The following CSMD1 variants were observed in gnomAD, a reference collection of about 807,000 sequenced individuals.
CSMD1 encodes CUB and Sushi multiple domains 1, also known as CUB and sushi domain-containing protein 1.
CSMD1 carries 213 observed loss-of-function variants against 417.5 expected under a neutral mutation model. The observed-to-expected ratio is 0.51, with a 90% CI of 0.46 to 0.57. The LOEUF is 0.57. Among genes scored for constraint, CSMD1 ranks in the 20% least tolerant of loss-of-function variants. The pLI, the probability that CSMD1 is intolerant of heterozygous loss-of-function variation, is 0.00. For synonymous variants in CSMD1, 2,862 were observed against 1,736.8 expected (o/e 1.65, Z -16.11); for missense variants, 6,923 against 4,529.7 (o/e 1.53, Z -15.17).
chr8:4,084,750 C>G (rs934976982), intron 3 of CSMD1, among the ~76,000 whole-genome samples: 1 of 151,732 alleles, frequency 6.6e-6, no homozygotes, highest in African/African-American at 2.4e-5. Context: ...CCCCCACCCC[C>G]CTACCCAAAG....
intron 10 of CSMD1, among the ~76,000 whole-genome samples, chr8:3,546,430 G>C (rs761005977): frequency 3.2e-4 from 48 of 152,060 alleles, no homozygotes; most frequent in Non-Finnish European, 6.6e-4. Flanking sequence ...CAGCTACTTG[G>C]GAGGCTGAGG....
At chr8:4,733,307 T>C (rs927228204) in intron 1 of CSMD1, among the ~76,000 whole-genome samples, 7 of 152,120 alleles carry the variant, frequency 4.6e-5, no homozygotes, top group African/African-American at 1.7e-4. Context: ...AATGTTGCCC[T>C]CAAAGCAAGC....
At chr8:4,393,536 T>A (rs936200529) in intron 3 of CSMD1, among the ~76,000 whole-genome samples, 2 of 152,190 alleles carry the variant, frequency 1.3e-5, no homozygotes, top group Non-Finnish European at 2.9e-5. Flanking sequence ...CAGTTTCACT[T>A]GGCAACAGCT....
intron 5 of CSMD1, among the ~76,000 whole-genome samples, chr8:3,848,385 C>T (rs140531859): frequency 6.6e-6 from 1 of 152,168 alleles, no homozygotes; most frequent in African/African-American, 2.4e-5. Flanking sequence ...TTTTTCTCAG[C>T]CTTCTCTAGG....
intron 3 of CSMD1, among the ~76,000 whole-genome samples, chr8:4,196,055 C>CA (rs1390969988): frequency 1.6e-4 from 24 of 151,846 alleles, no homozygotes; most frequent in African/African-American, 5.3e-4. Flanking sequence ...ACTGAAAATA[C>CA]AAAAAATTAG....
intron 1 of CSMD1, among the ~76,000 whole-genome samples, chr8:4,988,813 G>T (rs1052983018): frequency 6.6e-6 from 1 of 152,194 alleles, no homozygotes; most frequent in Non-Finnish European, 1.5e-5. Context: ...ATCCAAAGAG[G>T]TTGATCTGCT....
rs1349867411 is a variant in CSMD1 at position 3,930,961 on chromosome 8, A to T, written c.818+66942T>A. On this transcript the variant is annotated intron_variant, in intron 5 of 69. Transcript: ENST00000635120. The stretch of plus-strand genomic sequence containing the variant: ...GATTCTTAAAAACCTAAAATACATC[A>T]GCAAAAACGCCCTGTGGAATATCAT... Among the ~76,000 whole-genome samples the T allele has an allele frequency of 1.3e-5, 2 of 150,696 alleles. 1 individual carries two copies. Among genetic ancestry groups the T allele is most frequent in the African/African-American group, 4.9e-5 (2 of 40,870 alleles).
chr8:4,269,700 A>G lies in CSMD1; in HGVS notation c.415+150253T>C, dbSNP rs1049767943. On this transcript the variant is annotated intron_variant, in intron 3 of 69. Transcript: ENST00000635120. ...TTTTTTGTTTCTTTGCAGTTTATCA[A>G]TTAACCAGCATCTGTTGAATTCTTA... 2.6e-5 allele frequency among the ~76,000 whole-genome samples: 4 copies of G among 152,324 alleles called. No individual in the cohort carries two copies. In the South Asian group the frequency reaches 6.2e-4, roughly 24 times the overall value.
rs143800280 is a variant in CSMD1, at chr8:4,147,411, G to C, written c.416-115312C>G. ...CACTGCCTTCCCCACATGCTGCCCT[G>C]TCTAGAATGGCTTTTCCACCTACCT... is the stretch of plus-strand genomic sequence containing the variant. On this transcript the variant is annotated intron_variant, in intron 3 of 69. Transcript: ENST00000635120. Among the ~76,000 whole-genome samples, 16 of 152,110 alleles carry C rather than the reference G, an allele frequency of 1.1e-4. No homozygotes were observed. The East Asian group carries it at 2.7e-3, about 26-fold the overall frequency.
intron 1 of CSMD1, among the ~76,000 whole-genome samples, chr8:4,648,912 A>C (rs543411662): frequency 6.6e-6 from 1 of 152,286 alleles, no homozygotes; most frequent in South Asian, 2.1e-4. Context: ...CATATACGTA[A>C]ATCAATTTCA....
At chr8:3,902,297 T>C (rs1379452045) in intron 5 of CSMD1, among the ~76,000 whole-genome samples, 2 of 152,170 alleles carry the variant, frequency 1.3e-5, no homozygotes, top group African/African-American at 4.8e-5. Context: ...TACTGTCAAA[T>C]CCTGTTACTC....
At chr8:4,678,312 G>A (rs1027013465) in intron 1 of CSMD1, among the ~76,000 whole-genome samples, 4 of 152,112 alleles carry the variant, frequency 2.6e-5, no homozygotes, top group Non-Finnish European at 2.9e-5. Context: ...TTGGGAGGGT[G>A]AGGCATGAGA....
At chr8:4,429,490 C>CAG (rs76558119) in intron 2 of CSMD1, among the ~76,000 whole-genome samples, 12,505 of 152,124 alleles carry the variant, frequency 0.082, 626 homozygotes, top group South Asian at 0.13. Flanking sequence ...AATTGGGAAA[C>CAG]AGATTAGCTT....
chr8:4,761,677 T>A (rs1326772028), intron 1 of CSMD1, among the ~76,000 whole-genome samples: 3 of 152,116 alleles, frequency 2.0e-5, no homozygotes, highest in Non-Finnish European at 4.4e-5. Flanking sequence ...ATTAAAATAA[T>A]TAGGTGTTTT....
At chr8:3,891,472 G>T (rs921858864) in intron 5 of CSMD1, among the ~76,000 whole-genome samples, 1 of 152,074 alleles carries the variant, frequency 6.6e-6, no homozygotes, top group African/African-American at 2.4e-5. Context: ...CTGTATACAG[G>T]AGTTTGAGAC....
chr8:3,237,679 AATT>A (rs1799236728), intron 26 of CSMD1, among the ~76,000 whole-genome samples: 1 of 143,758 alleles, frequency 7.0e-6, no homozygotes, highest in African/African-American at 2.5e-5. Flanking sequence ...TAATTTTTAT[AATT>A]ATACTTATAC....
At chr8:4,057,107 C>T (rs1262745821) in intron 3 of CSMD1, among the ~76,000 whole-genome samples, 2 of 152,192 alleles carry the variant, frequency 1.3e-5, no homozygotes, top group Non-Finnish European at 2.9e-5. Flanking sequence ...TGAGGAATCG[C>T]CACACTGACT....
chr8:4,759,118 G>A (rs769548364), intron 1 of CSMD1, among the ~76,000 whole-genome samples: 1 of 152,240 alleles, frequency 6.6e-6, no homozygotes, highest in African/African-American at 2.4e-5. Context: ...CATTTGGGCT[G>A]AGGGAGAAGG....
At chr8:3,825,780 A>C (rs1008923556) in intron 5 of CSMD1, among the ~76,000 whole-genome samples, 47 of 152,180 alleles carry the variant, frequency 3.1e-4, no homozygotes, top group African/African-American at 1.0e-3. Flanking sequence ...TGTAGAATAT[A>C]TTCAGGCTTA....
Sources: gnomAD v4.1 joint callset for allele counts (sites outside exome capture counted in the v4.1 genomes callset) on GRCh38, gnomAD v4.1.1 for gene constraint, MANE v1.5 for transcripts, NCBI Gene and HGNC (gene_info 2026-07-23, HGNC 2026-07-21) for gene names.